Variants in RALGAPA2 observed in about 807,000 individuals in gnomAD.
The protein encoded by RALGAPA2 is Ral GTPase activating protein catalytic subunit alpha 2, also known as ral GTPase-activating protein subunit alpha-2.
Under a neutral mutation model 230.4 loss-of-function variants are expected in RALGAPA2, and 139 were observed. That is an observed-to-expected ratio of 0.60 (90% CI 0.53 to 0.69). The LOEUF (loss-of-function observed/expected upper bound fraction) is 0.69, where lower values mean the gene tolerates loss of function less well. RALGAPA2 is among the 30% of genes least tolerant of loss of function. The probability of loss-of-function intolerance (pLI) is 0.00; values close to 1 mark genes in which losing one functional copy is unlikely to be tolerated. For missense variants in RALGAPA2, 2,163 were observed against 2,276.0 expected (o/e 0.95, Z 1.01); for synonymous variants, 847 against 837.8 (o/e 1.01, Z -0.19).
intron 33 of RALGAPA2, among the ~76,000 whole-genome samples, chr20:20,506,321 T>G (rs955251415): frequency 3.3e-5 from 5 of 152,176 alleles, no homozygotes; most frequent in Non-Finnish European, 5.9e-5. Context: ...GCTTTGCATA[T>G]AGTAGGTGTT....
rs2064755971 is a variant in RALGAPA2 at position 20,574,461 on chromosome 20, A to C, written c.2708-1393T>G. On this transcript the variant is annotated intron_variant, in intron 20 of 39. Transcript: ENST00000202677. ...TCTAATTTTACCGATTAAGTTATAG[A>C]ATTTTGTTCTTTGGATACCTGTTGC... is the stretch of plus-strand genomic sequence containing the variant. Among the ~76,000 whole-genome samples, 3 of 152,196 alleles carry C rather than the reference A, an allele frequency of 2.0e-5. No homozygotes were observed. The South Asian group carries it at 6.2e-4, about 31-fold the overall frequency.
intron 36 of RALGAPA2, among the ~76,000 whole-genome samples, chr20:20,485,977 A>G (rs2123506253): frequency 6.6e-6 from 1 of 152,150 alleles, no homozygotes; most frequent in African/African-American, 2.4e-5. Context: ...CTGTCTCTAG[A>G]AAAAACACAA....
chr20:20,712,597 CGCT>C lies in RALGAPA2; in HGVS notation c.-120_-118del, dbSNP rs1403455499. 3.2e-5 allele frequency: 39 copies of C among 1,224,284 alleles called. No individual in the cohort carries two copies. Among genetic ancestry groups the C allele is most frequent in the Non-Finnish European group, 3.9e-5 (38 of 978,584 alleles). 75.8% of individuals were successfully genotyped at this position (1,224,284 alleles called of 1,614,324 possible). ...GCGGGCCACTCGCCGCCCCCAGCCC[CGCT>C]GCTGCCGCCGCCGCCGCCGCCGCCG... On this transcript the variant is annotated 5_prime_UTR_variant, in exon 1 of 40. Transcript: ENST00000202677. This position sits in a 1 kb window ranked among gnomAD's most constrained non-coding sequence, Gnocchi z 5.5.
chr20:20,413,059 G>A (rs1252059088), intron 37 of RALGAPA2, among the ~76,000 whole-genome samples: 1 of 152,194 alleles, frequency 6.6e-6, no homozygotes, highest in Non-Finnish European at 1.5e-5. Flanking sequence ...GGGGAAGTCC[G>A]CATGACGTCT....
At chr20:20,612,846 C>T (rs1226147336) in intron 13 of RALGAPA2, among the ~76,000 whole-genome samples, 2 of 152,178 alleles carry the variant, frequency 1.3e-5, no homozygotes, top group East Asian at 3.9e-4. Context: ...CACCTAGTAT[C>T]ACCACTGCCC....
intron 27 of RALGAPA2, among the ~76,000 whole-genome samples, chr20:20,527,004 C>T (rs925428325): frequency 2.6e-5 from 4 of 152,148 alleles, no homozygotes; most frequent in Admixed American, 1.3e-4. Context: ...CCATTGATTG[C>T]GAGGCAGCAT....
At chr20:20,476,488 A>G (rs896013996) in intron 36 of RALGAPA2, among the ~76,000 whole-genome samples, 2 of 151,946 alleles carry the variant, frequency 1.3e-5, no homozygotes, top group African/African-American at 4.8e-5. Flanking sequence ...AGACACTGGA[A>G]CAACTGGAGA....
chr20:20,540,679 T>C (rs551589396), intron 24 of RALGAPA2, among the ~76,000 whole-genome samples: 119 of 152,304 alleles, frequency 7.8e-4, no homozygotes, highest in Non-Finnish European at 1.3e-3. Flanking sequence ...CAACACTTCA[T>C]GTGAATTTGA....
At chr20:20,523,882 T>C (rs964619736) in intron 30 of RALGAPA2, among the ~76,000 whole-genome samples, 1 of 152,240 alleles carries the variant, frequency 6.6e-6, no homozygotes, top group Non-Finnish European at 1.5e-5. Flanking sequence ...ATGATAGTCA[T>C]GTAAAATGCA....
At chr20:20,592,795 C>T (rs1012152137) in intron 16 of RALGAPA2, among the ~76,000 whole-genome samples, 3 of 152,140 alleles carry the variant, frequency 2.0e-5, no homozygotes, top group African/African-American at 7.2e-5. Flanking sequence ...GAAGATTCTA[C>T]ATTTAATACA....
At chr20:20,505,160 C>T (rs1190476705) in intron 34 of RALGAPA2, 1 of 985,254 alleles carries the variant, frequency 1.0e-6, no homozygotes, top group Admixed American at 6.2e-5. Context: ...GAGAGCCCAT[C>T]TGACTATTCA....
chr20:20,520,952 G>A lies in RALGAPA2; in HGVS notation c.4049C>T (p.Ser1350Leu). Residue 1350 changes from serine to leucine, a missense_variant, in exon 31 of 40, where the codon TCA (serine) becomes TTA (leucine). Transcript: ENST00000202677. The stretch of plus-strand genomic sequence containing the variant: ...AGTCAGCAGGTTACCCAATTCTGCT[G>A]ATGAATGATACTGGACTGGCTCAGA... ...KSSEPVQYHS[S>L]AELGNLLTVE... 2 of 1,613,114 alleles carry A rather than the reference G, an allele frequency of 1.2e-6. No homozygotes were observed. The highest frequency in any genetic ancestry group is 1.7e-6 in the Non-Finnish European group (2 of 1,179,268).
At chr20:20,635,689 T>C in intron 8 of RALGAPA2, 72 bp from the exon 9 acceptor site, 1 of 1,312,066 alleles carries the variant, frequency 7.6e-7, no homozygotes, top group African/African-American at 1.6e-5. Flanking sequence ...ACAAATGTTT[T>C]GGTTTCCAAT....
chr20:20,456,425 T>C (rs534705190), intron 37 of RALGAPA2, among the ~76,000 whole-genome samples: 5 of 152,386 alleles, frequency 3.3e-5, no homozygotes, highest in East Asian at 3.9e-4. Context: ...GAAATGTCCG[T>C]TGGCCTGTGG....
intron 37 of RALGAPA2, among the ~76,000 whole-genome samples, chr20:20,430,942 G>A (rs749065743): frequency 1.3e-5 from 2 of 151,754 alleles, no homozygotes; most frequent in South Asian, 2.1e-4. Context: ...GGTCCCTATC[G>A]TCTCCCAGCA....
intron 20 of RALGAPA2, among the ~76,000 whole-genome samples, chr20:20,576,691 T>C (rs1161437325): frequency 1.3e-5 from 2 of 152,190 alleles, no homozygotes; most frequent in African/African-American, 4.8e-5. Context: ...TGAGTTTCTC[T>C]TTCTACGGAA....
chr20:20,573,085 G>C lies in RALGAPA2; in HGVS notation c.2708-17C>G, dbSNP rs779044615. The C allele has an allele frequency of 6.3e-7, 1 of 1,585,150 alleles. No homozygotes were observed. ...CGCTGCTATCTATGCAGAAAAACAT[G>C]TCTGTTAACCCTGTAAACAATCTTG... On this transcript the variant is annotated splice_polypyrimidine_tract_variant and intron_variant, in intron 20 of 39. Transcript: ENST00000202677.
intron 36 of RALGAPA2, among the ~76,000 whole-genome samples, chr20:20,487,481 G>C (rs903717079): frequency 4.6e-5 from 7 of 152,158 alleles, no homozygotes; most frequent in Non-Finnish European, 7.4e-5. Context: ...TGTGCCCCTG[G>C]ACTGTGACCT....
intron 37 of RALGAPA2, among the ~76,000 whole-genome samples, chr20:20,428,699 A>G (rs1378850546): frequency 7.9e-6 from 1 of 126,312 alleles, no homozygotes; most frequent in Non-Finnish European, 1.6e-5. Context: ...ATTTCTTCCC[A>G]TTATTGTGCC....
Sources: gnomAD v4.1 joint callset for allele counts (sites outside exome capture counted in the v4.1 genomes callset) on GRCh38, gnomAD v4.1.1 for gene constraint, Gnocchi (gnomAD v3.1) non-coding constraint, MANE v1.5 for transcripts, NCBI Gene and HGNC (gene_info 2026-07-23, HGNC 2026-07-21) for gene names.